Variants in TNFRSF13C observed in about 807,000 individuals in gnomAD.
The protein encoded by TNFRSF13C is tumor necrosis factor receptor superfamily member 13C.
In TNFRSF13C, 7 loss-of-function variants were observed where a neutral mutation model predicts 12.1. The ratio of observed to expected loss-of-function variants is 0.58; its 90% CI spans 0.33 to 1.08. TNFRSF13C has a LOEUF of 1.08. Ranked by LOEUF, TNFRSF13C falls within the 50% of genes least tolerant of loss-of-function variation. The pLI is 0.04. For missense variants in TNFRSF13C, 260 were observed against 265.9 expected, an observed-to-expected ratio of 0.98 and a Z score of 0.15; for synonymous variants, 157 against 130.8, an observed-to-expected ratio of 1.20 and a Z score of -1.37.
chr22:41,922,613 A>C lies in TNFRSF13C; in HGVS notation c.*2754T>G, dbSNP rs1602371229. 1 of 141,748 alleles carries C rather than the reference A, an allele frequency of 7.1e-6. No homozygotes were observed. Among genetic ancestry groups the C allele is most frequent in the African/African-American group, 2.7e-5 (1 of 37,408 alleles). The allele number at this position is 141,748 out of a possible 1,614,324, so 8.8% of individuals were successfully genotyped here. A position where few individuals can be genotyped will look rare whatever the true frequency, so the allele number is the denominator to read the frequency against. On this transcript the variant is annotated 3_prime_UTR_variant, in exon 3 of 3. Coordinates refer to ENST00000291232, the MANE Select transcript of TNFRSF13C (RefSeq NM_052945.4). ...CTCGGGGTTTTCACCTGCTGAGCTA[A>C]CCCTGGCTGTAGCAAAAGATGGGGT...
At position 41,922,279 on chromosome 22, in the gene TNFRSF13C, ATT is replaced by A. The variant is rs2077610037; in HGVS notation, c.*3086_*3087del. On this transcript the variant is annotated 3_prime_UTR_variant, in exon 3 of 3. Coordinates refer to ENST00000291232, the MANE Select transcript of TNFRSF13C (RefSeq NM_052945.4). The stretch of plus-strand genomic sequence containing the variant: ...ATCTTCATTTTTTTCACAAAAAAAA[ATT>A]TAAACAAACACAAACACCCCACCCC... 1.3e-5 allele frequency: 2 copies of A among 152,162 alleles called. No homozygotes were observed. The highest frequency in any genetic ancestry group is 6.5e-5 in the Admixed American group (1 of 15,276). 9.4% of individuals were successfully genotyped at this position (152,162 alleles called of 1,614,324 possible).
Position 41,926,528 on chromosome 22 carries a change from C to T in TNFRSF13C, c.136+110G>A. ...CCCTCCAGGCCCTGCCCACAGGGTC[C>T]TTTCAGCCCTCGGCGCCCCCGGGGG... is the stretch of plus-strand genomic sequence containing the variant. On this transcript the variant is annotated intron_variant, in intron 1 of 2. Transcript: ENST00000291232. This position sits in a 1 kb window ranked among gnomAD's most constrained non-coding sequence, Gnocchi z 4.9. The T allele has an allele frequency of 7.8e-7, 1 of 1,280,834 alleles. No homozygotes were observed. The highest frequency in any genetic ancestry group is 1.0e-6 in the Non-Finnish European group (1 of 1,004,230). 79.3% of individuals were successfully genotyped at this position (1,280,834 alleles called of 1,614,324 possible). A position where few individuals can be genotyped will look rare whatever the true frequency, so the allele number is the denominator to read the frequency against.
Position 41,925,231 on chromosome 22 carries a change from GTC to G in TNFRSF13C, c.*134_*135del. 1.0e-6 allele frequency: 1 copy of G among 968,244 alleles called. No homozygotes were observed. The highest frequency in any genetic ancestry group is 1.5e-6 in the Non-Finnish European group (1 of 667,552). 60.0% of individuals were successfully genotyped at this position (968,244 alleles called of 1,614,324 possible). On this transcript the variant is annotated 3_prime_UTR_variant, in exon 3 of 3. Coordinates refer to ENST00000291232, the MANE Select transcript of TNFRSF13C (RefSeq NM_052945.4). ...GGGGCTGAATGCTGTGGTCTGTAGT[GTC>G]TGTGCTTCTGCAGAGTTAGCCTGGT...
Position 41,926,185 on chromosome 22 carries a change from G to A in TNFRSF13C, c.283C>T (p.Leu95=). The part of the protein sequence containing the change: ...LGLALVLALV[L]VGLVSWRRRQ... Reference sequence around the variant, plus strand: ...CGCCTCCAGCTCACCAGACCCACCAGGACCAGCGCCAGGACCAGTGCCAGG... The same window carrying A: ...CGCCTCCAGCTCACCAGACCCACCAAGACCAGCGCCAGGACCAGTGCCAGG... The change falls in exon 2 of 3, where the codon CTG becomes TTG. Residue 95 remains leucine, a synonymous_variant. Coordinates refer to ENST00000291232, the MANE Select transcript of TNFRSF13C (RefSeq NM_052945.4). This position sits in a 1 kb window ranked among gnomAD's most constrained non-coding sequence, Gnocchi z 4.9. 9.9e-6 allele frequency: 16 copies of A among 1,609,948 alleles called. No individual in the cohort carries two copies. Among genetic ancestry groups the A allele is most frequent in the Middle Eastern group, 1.7e-4 (1 of 6,038 alleles).
In TNFRSF13C at chr22:41,925,523, C is replaced by A; in HGVS notation, c.399G>T (p.Leu133=). ...APEPLDKVII[L]SPGISDATAP... The stretch of plus-strand genomic sequence containing the variant: ...CTGTGGCATCAGAGATTCCCGGAGA[C>A]AGAATGATGACCTTGTCCAGGGGCT... Residue 133 remains leucine (L), a synonymous_variant, in exon 3 of 3, where the codon CTG becomes CTT. Transcript: ENST00000291232. 1.2e-6 allele frequency: 2 copies of A among 1,613,380 alleles called. No individual in the cohort carries two copies. The highest frequency in any genetic ancestry group is 1.7e-6 in the Non-Finnish European group (2 of 1,179,992).
At position 41,922,602 on chromosome 22, in the gene TNFRSF13C, C is replaced by G. The variant is rs986220640; in HGVS notation, c.*2765G>C. 4.6e-5 allele frequency: 7 copies of G among 151,328 alleles called. No individual in the cohort carries two copies. Among genetic ancestry groups the G allele is most frequent in the Middle Eastern group, 3.4e-3 (1 of 294 alleles). The allele number at this position is 151,328 out of a possible 1,614,324, so 9.4% of individuals were successfully genotyped here. ...TTTCACCCACCCTCGGGGTTTTCAC[C>G]TGCTGAGCTAACCCTGGCTGTAGCA... On this transcript the variant is annotated 3_prime_UTR_variant, in exon 3 of 3. Coordinates refer to ENST00000291232, the MANE Select transcript of TNFRSF13C (RefSeq NM_052945.4).
In TNFRSF13C at chr22:41,926,394, G is replaced by A; in HGVS notation, c.137-63C>T. 4 of 1,272,818 alleles carry A rather than the reference G, an allele frequency of 3.1e-6. No individual in the cohort carries two copies. Among genetic ancestry groups the A allele is most frequent in the Non-Finnish European group, 3.0e-6 (3 of 992,816 alleles). 78.8% of individuals were successfully genotyped at this position (1,272,818 alleles called of 1,614,324 possible). The stretch of plus-strand genomic sequence containing the variant: ...CGAGGGGAGGGAGGAGCGGGGACGG[G>A]GAGGGGCGGAGGGGGGCGAGGCTGG... On this transcript the variant is annotated intron_variant, in intron 1 of 2. Coordinates refer to ENST00000291232, the MANE Select transcript of TNFRSF13C (RefSeq NM_052945.4). The surrounding 1 kb of genome is among the most constrained non-coding windows in gnomAD (Gnocchi z 4.9).
rs886057590 is a variant in TNFRSF13C at position 41,926,303 on chromosome 22, C to T, written c.165G>A (p.Thr55=). 4.8e-6 allele frequency: 7 copies of T among 1,460,740 alleles called. No individual in the cohort carries two copies. The highest frequency in any genetic ancestry group is 6.3e-6 in the Non-Finnish European group (7 of 1,114,544). The allele number at this position is 1,460,740 out of a possible 1,614,324, so 90.5% of individuals were successfully genotyped here. Residue 55 remains threonine, a synonymous_variant, in exon 2 of 3, where the codon ACG becomes ACA. Transcript: ENST00000291232. The surrounding 1 kb of genome is among the most constrained non-coding windows in gnomAD (Gnocchi z 4.9). ...CCACCGACTCCTGCGGCTGCAGCGC[C>T]GTCCTGGGCGCAGGGCTGCTGGCCC... is the stretch of plus-strand genomic sequence containing the variant. ...PAGASSPAPR[T]ALQPQESVGA...
Position 41,926,522 on chromosome 22 carries a change from A to T in TNFRSF13C, c.136+116T>A, listed in dbSNP as rs868540681. 1.0e-3 allele frequency: 1,289 copies of T among 1,261,416 alleles called. 6 individuals are homozygous for T. In the Middle Eastern group the frequency reaches 0.017, roughly 17 times the overall value. 78.1% of individuals were successfully genotyped at this position (1,261,416 alleles called of 1,614,324 possible). Reference sequence around the variant, plus strand: ...GCGGGCCCCTCCAGGCCCTGCCCACAGGGTCCTTTCAGCCCTCGGCGCCCC... The same window carrying T: ...GCGGGCCCCTCCAGGCCCTGCCCACTGGGTCCTTTCAGCCCTCGGCGCCCC... On this transcript the variant is annotated intron_variant, in intron 1 of 2. Transcript: ENST00000291232. This position sits in a 1 kb window ranked among gnomAD's most constrained non-coding sequence, Gnocchi z 4.9.
In TNFRSF13C at chr22:41,926,110, C is replaced by T. The variant is rs1315010086; in HGVS notation, c.358G>A (p.Asp120Asn). ...TACACACGGAACTCACCGTCCTTGT[C>T]TCCGTCGGGGGCCTCTGCGGAGGAC... ...GASSAEAPDG[D>N]KDAPEPLDKV... Residue 120 changes from aspartate to asparagine, a missense_variant, in exon 2 of 3, where the codon GAC becomes AAC. Physicochemically the swap from Asp to Asn is conservative, Grantham distance 23. Coordinates refer to ENST00000291232, the MANE Select transcript of TNFRSF13C (RefSeq NM_052945.4). This position sits in a 1 kb window ranked among gnomAD's most constrained non-coding sequence, Gnocchi z 4.9. 2 of 1,612,580 alleles carry T rather than the reference C, an allele frequency of 1.2e-6. No homozygotes were observed. The highest frequency in any genetic ancestry group is 1.1e-5 in the South Asian group (1 of 91,066).
chr22:41,926,708 G>C lies in TNFRSF13C; in HGVS notation c.66C>G (p.Ala22=). 1.4e-6 allele frequency: 2 copies of C among 1,453,594 alleles called. No homozygotes were observed. The highest frequency in any genetic ancestry group is 1.8e-6 in the Non-Finnish European group (2 of 1,107,678). 90.0% of individuals were successfully genotyped at this position (1,453,594 alleles called of 1,614,324 possible). Residue 22 remains alanine, a synonymous_variant, in exon 1 of 3, where the codon GCC becomes GCG. Transcript: ENST00000291232. The surrounding 1 kb of genome is among the most constrained non-coding windows in gnomAD (Gnocchi z 4.9). ...GGCGGACCAGCAGGTCGAAGCACTC[G>C]GCCGGGACGCAGGGCGTGGGGGCTG... ...DAPAPTPCVP[A]ECFDLLVRHC...
Position 41,926,242 on chromosome 22 carries a change from C to G in TNFRSF13C, c.226G>C (p.Gly76Arg). The G allele has an allele frequency of 6.4e-7, 1 of 1,553,488 alleles. No homozygotes were observed. Among genetic ancestry groups the G allele is most frequent in the Non-Finnish European group, 8.7e-7 (1 of 1,154,592 alleles). ...GAGEAALPLP[G>R]LLFGAPALLG... ...AGCGCGGGGGCGCCAAAGAGCAGCC[C>G]GGGCAGGGGCAGCGCCGCCTCGCCG... Residue 76 changes from glycine to arginine, a missense_variant, in exon 2 of 3, where the codon GGG becomes CGG. Transcript: ENST00000291232. The surrounding 1 kb of genome is among the most constrained non-coding windows in gnomAD (Gnocchi z 4.9).
At chr22:41,925,864 C>T (rs1008935309) in intron 2 of TNFRSF13C, among the ~76,000 whole-genome samples, 1 of 152,188 alleles carries the variant, frequency 6.6e-6, no homozygotes, top group African/African-American at 2.4e-5. Flanking sequence ...CTGTCTCTTC[C>T]TCACACTGGG....
rs2077631407 is a variant in TNFRSF13C at position 41,926,372 on chromosome 22, G to A, written c.137-41C>T. 1.5e-6 allele frequency: 2 copies of A among 1,347,752 alleles called. No individual in the cohort carries two copies. The highest frequency in any genetic ancestry group is 3.1e-5 in the African/African-American group (2 of 64,740). 83.5% of individuals were successfully genotyped at this position (1,347,752 alleles called of 1,614,324 possible). A position where few individuals can be genotyped will look rare whatever the true frequency, so the allele number is the denominator to read the frequency against. ...ACAGGGAGGGAGGCCAGGGGGCCGA[G>A]GGGAGGGAGGAGCGGGGACGGGGAG... is the stretch of plus-strand genomic sequence containing the variant. On this transcript the variant is annotated intron_variant, in intron 1 of 2. Coordinates refer to ENST00000291232, the MANE Select transcript of TNFRSF13C (RefSeq NM_052945.4). This position sits in a 1 kb window ranked among gnomAD's most constrained non-coding sequence, Gnocchi z 4.9.
rs1000961266 is a variant in TNFRSF13C, at chr22:41,925,491, G to A, written c.431C>T (p.Ala144Val). The A allele has an allele frequency of 6.2e-6, 10 of 1,613,504 alleles. No individual in the cohort carries two copies. Among genetic ancestry groups the A allele is most frequent in the Non-Finnish European group, 6.8e-6 (8 of 1,180,014 alleles). ...SPGISDATAP[A>V]WPPPGEDPGT... ...TGGGTCTTCCCCAGGAGGAGGCCAG[G>A]CAGGAGCTGTGGCATCAGAGATTCC... The change falls in exon 3 of 3, where the codon GCC (alanine) becomes GTC (valine). Residue 144 changes from alanine to valine, a missense_variant. By Grantham distance (64) the Ala-to-Val change is moderately conservative (BLOSUM62 0). Transcript: ENST00000291232.
rs754696298 is a variant in TNFRSF13C at position 41,925,411 on chromosome 22, T to A, written c.511A>T (p.Thr171Ser). ...GCCGTCTTGGTGGTCACCAGTTCAG[T>A]GGAGCCCAGCTCTGTGGCTGGCACA... is the stretch of plus-strand genomic sequence containing the variant. ...VPVPATELGS[T>S]ELVTTKTAGP... Residue 171 changes from threonine (T) to serine (S), a missense_variant, in exon 3 of 3, where the codon ACT becomes TCT. Coordinates refer to ENST00000291232, the MANE Select transcript of TNFRSF13C (RefSeq NM_052945.4). 2.2e-5 allele frequency: 35 copies of A among 1,610,078 alleles called. No homozygotes were observed. The South Asian group carries it at 3.8e-4, about 18-fold the overall frequency.
At position 41,926,242 on chromosome 22, in the gene TNFRSF13C, C is replaced by A. The variant is rs1037657715; in HGVS notation, c.226G>T (p.Gly76Trp). ...GAGEAALPLP[G>W]LLFGAPALLG... The stretch of plus-strand genomic sequence containing the variant: ...AGCGCGGGGGCGCCAAAGAGCAGCC[C>A]GGGCAGGGGCAGCGCCGCCTCGCCG... The change falls in exon 2 of 3, where the codon GGG (glycine) becomes TGG (tryptophan). Residue 76 changes from glycine to tryptophan, a missense_variant. Coordinates refer to ENST00000291232, the MANE Select transcript of TNFRSF13C (RefSeq NM_052945.4). The surrounding 1 kb of genome is among the most constrained non-coding windows in gnomAD (Gnocchi z 4.9). 5 of 1,553,380 alleles carry A rather than the reference C, an allele frequency of 3.2e-6. No homozygotes were observed. Among genetic ancestry groups the A allele is most frequent in the East Asian group, 2.4e-5 (1 of 41,842 alleles).
At position 41,923,638 on chromosome 22, in the gene TNFRSF13C, C is replaced by T. The variant is rs2077615552; in HGVS notation, c.*1729G>A. On this transcript the variant is annotated 3_prime_UTR_variant, in exon 3 of 3. Transcript: ENST00000291232. ...TGTCCACCTGGTTCAAGGTCACACG[C>T]CTGCCCTGGCCTCTACACAAAGGAG... is the stretch of plus-strand genomic sequence containing the variant. 6.6e-6 allele frequency: 1 copy of T among 152,276 alleles called. No homozygotes were observed. The highest frequency in any genetic ancestry group is 1.5e-5 in the Non-Finnish European group (1 of 68,098). 9.4% of individuals were successfully genotyped at this position (152,276 alleles called of 1,614,324 possible).
rs1357874647 is a variant in TNFRSF13C at position 41,925,345 on chromosome 22, G to A, written c.*22C>T. 4 of 1,589,292 alleles carry A rather than the reference G, an allele frequency of 2.5e-6. No individual in the cohort carries two copies. The highest frequency in any genetic ancestry group is 3.4e-6 in the Non-Finnish European group (4 of 1,171,506). On this transcript the variant is annotated 3_prime_UTR_variant, in exon 3 of 3. Coordinates refer to ENST00000291232, the MANE Select transcript of TNFRSF13C (RefSeq NM_052945.4). ...CTGGGGGTCCAGAGGGAGGGCAGGGGCCACCTCCTGCCGGCTCCCTGCTAT... is the reference window on the plus strand; with the variant it reads ...CTGGGGGTCCAGAGGGAGGGCAGGGACCACCTCCTGCCGGCTCCCTGCTAT...
Sources: allele counts gnomAD v4.1 joint callset (sites outside exome capture counted in the v4.1 genomes callset), GRCh38; gene constraint gnomAD v4.1.1; non-coding constraint Gnocchi (gnomAD v3.1); transcripts MANE v1.5; gene names NCBI Gene and HGNC (gene_info 2026-07-23, HGNC 2026-07-21).